ADAMTSL1: variants seen among roughly 807,000 people sequenced by gnomAD.
The protein encoded by ADAMTSL1 is ADAMTS-like protein 1.
Under a neutral mutation model 201.8 loss-of-function variants are expected in ADAMTSL1, and 126 were observed. The ratio of observed to expected loss-of-function variants is 0.62; its 90% CI spans 0.54 to 0.72. The LOEUF (loss-of-function observed/expected upper bound fraction) is 0.72, where lower values mean the gene tolerates loss of function less well. Ranked by LOEUF, ADAMTSL1 falls within the 30% of genes least tolerant of loss-of-function variation. The pLI, the probability that ADAMTSL1 is intolerant of heterozygous loss-of-function variation, is 0.00. For missense variants in ADAMTSL1, 2,679 were observed against 2,277.8 expected (o/e 1.18, Z -3.59); for synonymous variants, 1,121 against 903.4 (o/e 1.24, Z -4.32).
At position 17,961,353 on chromosome 9, in the gene ADAMTSL1, A is replaced by C. The variant is rs566309547; in HGVS notation, c.87+54431A>C. Among the ~76,000 whole-genome samples, 8 of 152,192 alleles carry C rather than the reference A, an allele frequency of 5.3e-5. 1 individual carries two copies. The South Asian group carries it at 1.7e-3, about 32-fold the overall frequency. ...AACCTCCACCTCCCGGGTTCAAGTG[A>C]TTCTCCTGCCTCCGCCTCCTGAGTA... On this transcript the variant is annotated intron_variant, in intron 1 of 29. Coordinates refer to the ADAMTSL1 transcript ENST00000680146.
chr9:18,308,769 T>C (rs1191846355), intron 2 of ADAMTSL1, among the ~76,000 whole-genome samples: 1 of 152,180 alleles, frequency 6.6e-6, no homozygotes, highest in Non-Finnish European at 1.5e-5. Context: ...AAAGAGGAGC[T>C]GGTACCATTT....
chr9:18,720,650 G>A (rs1833286329), intron 14 of ADAMTSL1, among the ~76,000 whole-genome samples: 1 of 152,114 alleles, frequency 6.6e-6, no homozygotes, highest in East Asian at 1.9e-4. Flanking sequence ...GGCCATGGTG[G>A]CACACGCCTG....
chr9:18,580,076 C>G (rs1207460729), intron 4 of ADAMTSL1, among the ~76,000 whole-genome samples: 2 of 151,990 alleles, frequency 1.3e-5, no homozygotes, highest in South Asian at 2.1e-4. Context: ...TATAAACAAG[C>G]CTTTTATCAT....
intron 2 of ADAMTSL1, among the ~76,000 whole-genome samples, chr9:18,264,267 C>T (rs1030959457): frequency 6.6e-6 from 1 of 152,138 alleles, no homozygotes; most frequent in African/African-American, 2.4e-5. Flanking sequence ...CTGGCTATCT[C>T]ATCTATATTT....
chr9:18,201,669 G>C (rs190096445), intron 2 of ADAMTSL1, among the ~76,000 whole-genome samples: 2 of 152,154 alleles, frequency 1.3e-5, no homozygotes, highest in East Asian at 3.9e-4. Flanking sequence ...AAAAGAACAA[G>C]AATAAAACCA....
intron 2 of ADAMTSL1, among the ~76,000 whole-genome samples, chr9:18,181,754 A>T (rs1017596366): frequency 2.0e-5 from 3 of 151,554 alleles, no homozygotes; most frequent in Admixed American, 6.6e-5. Context: ...CTAGAACTAG[A>T]AATACCATTT....
chr9:18,075,944 G>C (rs1476393788), intron 1 of ADAMTSL1, among the ~76,000 whole-genome samples: 1 of 152,226 alleles, frequency 6.6e-6, no homozygotes, highest in Non-Finnish European at 1.5e-5. Context: ...AGAGGAAGTA[G>C]TGTAGTGTCA....
chr9:17,941,878 G>C (rs1827253527), intron 1 of ADAMTSL1, among the ~76,000 whole-genome samples: 1 of 152,064 alleles, frequency 6.6e-6, no homozygotes, highest in South Asian at 2.1e-4. Flanking sequence ...TTCATAGAAG[G>C]CTGGCTTCTC....
chr9:18,366,416 A>T (rs552959388), intron 2 of ADAMTSL1, among the ~76,000 whole-genome samples: 2 of 152,028 alleles, frequency 1.3e-5, no homozygotes, highest in South Asian at 4.2e-4. Context: ...TGTCCCATAT[A>T]CTATAATCCT....
At chr9:18,503,273 A>C (rs571226178) in intron 1 of ADAMTSL1, among the ~76,000 whole-genome samples, 9 of 151,812 alleles carry the variant, frequency 5.9e-5, no homozygotes, top group African/African-American at 2.2e-4. Flanking sequence ...GAATTTGACT[A>C]TTCTAGATAC....
intron 3 of ADAMTSL1, among the ~76,000 whole-genome samples, chr9:18,571,428 G>C (rs1488201808): frequency 6.6e-6 from 1 of 152,156 alleles, no homozygotes; most frequent in Non-Finnish European, 1.5e-5. Flanking sequence ...GTATAATGAA[G>C]TACTGTACCC....
chr9:18,051,280 G>A (rs539719726), intron 1 of ADAMTSL1, among the ~76,000 whole-genome samples: 6 of 152,132 alleles, frequency 3.9e-5, no homozygotes, highest in African/African-American at 1.2e-4. Context: ...CAGGCTGGGC[G>A]ACAGAGCAAG....
intron 1 of ADAMTSL1, among the ~76,000 whole-genome samples, chr9:17,980,468 T>C (rs1818642284): frequency 6.6e-6 from 1 of 152,182 alleles, no homozygotes; most frequent in African/African-American, 2.4e-5. Context: ...TTTTGATTAC[T>C]AGCTATACTT....
At chr9:18,176,180 T>A (rs1828146118) in intron 2 of ADAMTSL1, among the ~76,000 whole-genome samples, 1 of 152,120 alleles carries the variant, frequency 6.6e-6, no homozygotes, top group African/African-American at 2.4e-5. Context: ...CCTCCTATTT[T>A]GCAACTTTAC....
At chr9:18,762,921 T>C (rs1330564085) in intron 16 of ADAMTSL1, among the ~76,000 whole-genome samples, 1 of 152,208 alleles carries the variant, frequency 6.6e-6, no homozygotes, top group Non-Finnish European at 1.5e-5. Context: ...CTTAGGTTGC[T>C]TCCAGATCTT....
At chr9:18,031,270 C>A (rs555617065) in intron 1 of ADAMTSL1, among the ~76,000 whole-genome samples, 26 of 152,236 alleles carry the variant, frequency 1.7e-4, no homozygotes, top group African/African-American at 6.0e-4. Context: ...TCTGAGGAGG[C>A]TGGTGTTTAT....
chr9:18,592,247 T>C (rs1033072586), intron 4 of ADAMTSL1, among the ~76,000 whole-genome samples: 1 of 152,184 alleles, frequency 6.6e-6, no homozygotes, highest in Non-Finnish European at 1.5e-5. Flanking sequence ...ACCACTGAGC[T>C]GTTCTTCATT....
chr9:18,239,274 T>C (rs1480593804), intron 2 of ADAMTSL1, among the ~76,000 whole-genome samples: 2 of 152,246 alleles, frequency 1.3e-5, no homozygotes, highest in Non-Finnish European at 2.9e-5. Context: ...TAGCATGTGA[T>C]GCTGTTTGAT....
intron 4 of ADAMTSL1, among the ~76,000 whole-genome samples, chr9:18,580,727 T>C (rs928525075): frequency 6.6e-6 from 1 of 152,242 alleles, no homozygotes; most frequent in African/African-American, 2.4e-5. Context: ...TTTAAAAATA[T>C]ATTTGTCTAA....
Sources: allele counts gnomAD v4.1 joint callset (sites outside exome capture counted in the v4.1 genomes callset), GRCh38; gene constraint gnomAD v4.1.1; transcripts MANE v1.5; gene names NCBI Gene and HGNC (gene_info 2026-07-23, HGNC 2026-07-21).